IGSF11: variants seen among roughly 807,000 people sequenced by gnomAD.
IGSF11 encodes the protein immunoglobulin superfamily member 11, also known as CXADR like 1.
IGSF11 carries 22 observed loss-of-function variants against 41.0 expected under a neutral mutation model. That is an observed-to-expected ratio of 0.54 (90% CI 0.38 to 0.77). The LOEUF is 0.77. Among genes scored for constraint, IGSF11 ranks in the 30% least tolerant of loss-of-function variants. IGSF11 has a pLI of 0.00. For synonymous variants in IGSF11, 219 were observed against 201.3 expected (o/e 1.09, Z -0.74); for missense variants, 444 against 530.8 (o/e 0.84, Z 1.61).
intron 1 of IGSF11, among the ~76,000 whole-genome samples, chr3:118,960,819 C>T (rs1223742720): frequency 6.6e-6 from 1 of 152,140 alleles, no homozygotes; most frequent in Non-Finnish European, 1.5e-5. Flanking sequence ...TTGAAACATT[C>T]AACTGTATAA....
chr3:119,071,138 T>C (rs75937173), intron 1 of IGSF11, among the ~76,000 whole-genome samples: 6,446 of 152,214 alleles, frequency 0.042, 253 homozygotes, highest in Non-Finnish European at 0.054. Context: ...AGAGCTTCTA[T>C]GAAACAACTG....
At chr3:118,912,757 T>C (rs1168818925) in intron 4 of IGSF11, among the ~76,000 whole-genome samples, 1 of 152,176 alleles carries the variant, frequency 6.6e-6, no homozygotes, top group African/African-American at 2.4e-5. Flanking sequence ...AAGGTCACTA[T>C]AAAATTAGTA....
chr3:118,908,877 C>A (rs1939925954), intron 4 of IGSF11, among the ~76,000 whole-genome samples: 1 of 152,220 alleles, frequency 6.6e-6, no homozygotes, highest in Non-Finnish European at 1.5e-5. Flanking sequence ...AAGTTTGAGT[C>A]TATTCTACCT....
At position 119,044,117 on chromosome 3, in the gene IGSF11, G is replaced by T. The variant is rs377527487; in HGVS notation, c.49+61027C>A. Among the ~76,000 whole-genome samples, 81 of 152,226 alleles carry T rather than the reference G, an allele frequency of 5.3e-4. No homozygotes were observed. The South Asian group carries it at 0.013, about 24-fold the overall frequency. ...GTCGATTATTAAGCTACTCAAGGAG[G>T]CACAAGAGAAAGGTGAAAAACAACT... is the stretch of plus-strand genomic sequence containing the variant. On this transcript the variant is annotated intron_variant, in intron 1 of 6. Coordinates refer to the IGSF11 transcript ENST00000354673.
intron 1 of IGSF11, among the ~76,000 whole-genome samples, chr3:118,987,483 C>T (rs1935373419): frequency 6.6e-6 from 1 of 152,144 alleles, no homozygotes; most frequent in African/African-American, 2.4e-5. Context: ...AGAAGTCCTG[C>T]CTAGTAGTGT....
intron 1 of IGSF11, among the ~76,000 whole-genome samples, chr3:119,145,500 T>C (rs890290324): frequency 6.6e-6 from 1 of 152,188 alleles, no homozygotes; most frequent in Admixed American, 6.5e-5. Flanking sequence ...CTTACTCCCT[T>C]CCTTTCTGGA....
At chr3:119,013,565 T>G (rs1938369342) in intron 1 of IGSF11, among the ~76,000 whole-genome samples, 1 of 152,224 alleles carries the variant, frequency 6.6e-6, no homozygotes, top group African/African-American at 2.4e-5. Flanking sequence ...GCAAACAGTA[T>G]CGATTCTTTT....
intron 4 of IGSF11, among the ~76,000 whole-genome samples, chr3:118,911,893 A>T (rs1019515692): frequency 2.0e-5 from 3 of 151,992 alleles, no homozygotes; most frequent in Non-Finnish European, 2.9e-5. Context: ...GATATTTAAG[A>T]TACTCTCCTG....
At chr3:118,926,408 A>T in intron 3 of IGSF11, 152 bp from the exon 4 acceptor site, 1 of 593,370 alleles carries the variant, frequency 1.7e-6, no homozygotes, top group Non-Finnish European at 2.7e-6. Context: ...AACCCAGGGG[A>T]GGCATGTACC....
chr3:118,977,121 T>C (rs1934202503), intron 1 of IGSF11, among the ~76,000 whole-genome samples: 1 of 152,184 alleles, frequency 6.6e-6, no homozygotes, highest in Non-Finnish European at 1.5e-5. Flanking sequence ...TTTGAGAAAA[T>C]GGCAGCAAGA....
intron 4 of IGSF11, among the ~76,000 whole-genome samples, chr3:118,908,813 T>C (rs62275717): frequency 6.6e-5 from 10 of 152,350 alleles, no homozygotes; most frequent in Non-Finnish European, 1.5e-4. Flanking sequence ...ATGCTGCCTC[T>C]GGCTGCCTAG....
At chr3:119,087,519 A>C (rs1247987440) in intron 1 of IGSF11, among the ~76,000 whole-genome samples, 1 of 152,212 alleles carries the variant, frequency 6.6e-6, no homozygotes, top group Non-Finnish European at 1.5e-5. Context: ...GAAGTAACTC[A>C]GGAATGGAAA....
intron 1 of IGSF11, among the ~76,000 whole-genome samples, chr3:119,001,223 ATTTC>A (rs766311516): frequency 4.0e-5 from 6 of 149,172 alleles, no homozygotes; most frequent in Middle Eastern, 3.2e-3. Context: ...TCCTCTCCAT[ATTTC>A]TTTCTGTTTT....
intron 1 of IGSF11, among the ~76,000 whole-genome samples, chr3:119,043,639 C>T (rs2107750183): frequency 6.6e-6 from 1 of 152,302 alleles, no homozygotes; most frequent in Non-Finnish European, 1.5e-5. Context: ...CAACCAAGGA[C>T]TCCCACAGAG....
At chr3:119,015,018 T>C (rs1938534915) in intron 1 of IGSF11, among the ~76,000 whole-genome samples, 1 of 139,972 alleles carries the variant, frequency 7.1e-6, no homozygotes, top group Non-Finnish European at 1.5e-5. Flanking sequence ...ATTTTTAAAA[T>C]AAACAGTTCA....
intron 1 of IGSF11, among the ~76,000 whole-genome samples, chr3:118,951,482 G>A (rs996529856): frequency 2.6e-5 from 4 of 151,924 alleles, no homozygotes; most frequent in African/African-American, 9.7e-5. Context: ...TACAAAATGT[G>A]GTAATATTAT....
chr3:119,056,149 A>G (rs941555265), intron 1 of IGSF11, among the ~76,000 whole-genome samples: 1 of 152,044 alleles, frequency 6.6e-6, no homozygotes, highest in Non-Finnish European at 1.5e-5. Flanking sequence ...AATAGAGACA[A>G]AAAAAACCCT....
intron 1 of IGSF11, among the ~76,000 whole-genome samples, chr3:119,137,918 A>G (rs2077584163): frequency 6.6e-6 from 1 of 152,174 alleles, no homozygotes; most frequent in Admixed American, 6.5e-5. Flanking sequence ...CACATTTCTC[A>G]AAAGAAGACA....
At chr3:119,068,277 T>C (rs1393840649) in intron 1 of IGSF11, among the ~76,000 whole-genome samples, 1 of 152,234 alleles carries the variant, frequency 6.6e-6, no homozygotes, top group East Asian at 1.9e-4. Flanking sequence ...ACCCAAACCA[T>C]ATTATTTGTC....
Sources: allele counts gnomAD v4.1 joint callset (sites outside exome capture counted in the v4.1 genomes callset), GRCh38; gene constraint gnomAD v4.1.1; transcripts MANE v1.5; gene names NCBI Gene and HGNC (gene_info 2026-07-23, HGNC 2026-07-21).